Variants in KCNK12 observed in about 807,000 individuals in gnomAD.
The protein encoded by KCNK12 is potassium two pore domain channel subfamily K member 12, also known as potassium channel subfamily K member 12.
KCNK12 carries 6 observed loss-of-function variants against 25.3 expected under a neutral mutation model. The observed-to-expected ratio is 0.24, with a 90% CI of 0.13 to 0.47. KCNK12 has a LOEUF of 0.47. KCNK12 is among the 20% of genes least tolerant of loss of function. KCNK12 has a pLI of 0.99. For synonymous variants in KCNK12, 331 were observed against 311.1 expected, an observed-to-expected ratio of 1.06 and a Z score of -0.67; for missense variants, 444 against 661.7, an observed-to-expected ratio of 0.67 and a Z score of 3.61.
intron 1 of KCNK12, among the ~76,000 whole-genome samples, chr2:47,542,712 G>C (rs993978252): frequency 6.6e-6 from 1 of 152,164 alleles, no homozygotes; most frequent in East Asian, 1.9e-4. Context: ...GGGATGGCGC[G>C]AGGTGAGAGT....
Position 47,548,488 on chromosome 2 carries a change from G to A in KCNK12, c.391+21453C>T, listed in dbSNP as rs1669359646. Among the ~76,000 whole-genome samples the A allele has an allele frequency of 6.6e-6, 1 of 152,136 alleles. No individual in the cohort carries two copies. Among genetic ancestry groups the A allele is most frequent in the African/African-American group, 2.4e-5 (1 of 41,424 alleles). ...AAATGGCAAATCCATCCTTGCAGTT[G>A]CTAAGGGCAAAAGTCTTAGAGCCCT... On this transcript the variant is annotated intron_variant, in intron 1 of 1. Transcript: ENST00000327876. The surrounding 1 kb of genome is among the most constrained non-coding windows in gnomAD (Gnocchi z 4.4).
rs186084822 is a variant in KCNK12, at chr2:47,511,356, T to C, written c.*9551A>G. 4.5e-4 allele frequency among the ~76,000 whole-genome samples: 68 copies of C among 152,250 alleles called. No individual in the cohort carries two copies. The highest frequency in any genetic ancestry group is 1.6e-3 in the African/African-American group (65 of 41,540). ...TTGCTTTGTGTCTTAATTACAGCCATTTGTGGAATTAGGCTTTTAATATAA... is the reference window on the plus strand; with the variant it reads ...TTGCTTTGTGTCTTAATTACAGCCACTTGTGGAATTAGGCTTTTAATATAA... On this transcript the variant is annotated 3_prime_UTR_variant, in exon 2 of 2. Coordinates refer to ENST00000327876, the MANE Select transcript of KCNK12 (RefSeq NM_022055.2). The surrounding 1 kb of genome is among the most constrained non-coding windows in gnomAD (Gnocchi z 4.3).
chr2:47,512,552 C>T lies in KCNK12; in HGVS notation c.*8355G>A. 6.9e-6 allele frequency: 8 copies of T among 1,161,400 alleles called. No individual in the cohort carries two copies. The highest frequency in any genetic ancestry group is 3.3e-5 in the South Asian group (2 of 61,466). The allele number at this position is 1,161,400 out of a possible 1,614,324, so 71.9% of individuals were successfully genotyped here. On this transcript the variant is annotated 3_prime_UTR_variant, in exon 2 of 2. Transcript: ENST00000327876. ...TCTCAAAAATGGACCAGAAAGGGGT[C>T]AGGAATATAACTTTCTCTGCCCAGA...
chr2:47,567,189 C>A (rs2104903910), intron 1 of KCNK12: 2 of 152,338 alleles, frequency 1.3e-5, no homozygotes, highest in South Asian at 4.1e-4. Context: ...TGAATCAAAT[C>A]ATTTTGTTCC....
Position 47,520,856 on chromosome 2 carries a change from C to T in KCNK12, c.*51G>A, listed in dbSNP as rs765065638. ...AGTGACTGAGAGAAGCAAACCACGC[C>T]CGGCGGCCCCGCGGCCTGGAGAGGG... On this transcript the variant is annotated 3_prime_UTR_variant, in exon 2 of 2. Coordinates refer to ENST00000327876, the MANE Select transcript of KCNK12 (RefSeq NM_022055.2). This position sits in a 1 kb window ranked among gnomAD's most constrained non-coding sequence, Gnocchi z 5.0. 5 of 1,188,170 alleles carry T rather than the reference C, an allele frequency of 4.2e-6. No individual in the cohort carries two copies. Among genetic ancestry groups the T allele is most frequent in the Non-Finnish European group, 5.3e-6 (5 of 946,324 alleles). 73.6% of individuals were successfully genotyped at this position (1,188,170 alleles called of 1,614,324 possible).
At position 47,521,640 on chromosome 2, in the gene KCNK12, C is replaced by A; in HGVS notation, c.560G>T (p.Ser187Ile). 1 of 1,588,596 alleles carries A rather than the reference C, an allele frequency of 6.3e-7. No individual in the cohort carries two copies. Among genetic ancestry groups the A allele is most frequent in the Non-Finnish European group, 8.5e-7 (1 of 1,170,214 alleles). ...GCGGAAGGTGGCGGGCAGCAGGCCG[C>A]TGCGGCGCAGCTGGCGCTCCCGGCA... ...RACRERQLRRSGLLPATFRRG... is the reference protein window; with the variant it reads ...RACRERQLRRIGLLPATFRRG... Residue 187 changes from serine (S) to isoleucine (I), a missense_variant, in exon 2 of 2, where the codon AGC becomes ATC. Around this residue, in one of 8 missense-constraint regions of KCNK12, gnomAD observed 36 missense variants for 36.4 expected, o/e 0.99. Transcript: ENST00000327876.
intron 1 of KCNK12, among the ~76,000 whole-genome samples, chr2:47,546,325 AGAGGACTTTGT>A: frequency 6.6e-6 from 1 of 152,384 alleles, no homozygotes; most frequent in Admixed American, 6.5e-5. Flanking sequence ...GAATTAATTC[AGAGGACTTTGT>A]GTGTCAATAT....
rs1235384129 is a variant in KCNK12 at position 47,520,364 on chromosome 2, C to G, written c.*543G>C. 6.6e-6 allele frequency: 1 copy of G among 152,290 alleles called. No homozygotes were observed. The highest frequency in any genetic ancestry group is 1.5e-5 in the Non-Finnish European group (1 of 68,094). The allele number at this position is 152,290 out of a possible 1,614,324, so 9.4% of individuals were successfully genotyped here. On this transcript the variant is annotated 3_prime_UTR_variant, in exon 2 of 2. Transcript: ENST00000327876. This position sits in a 1 kb window ranked among gnomAD's most constrained non-coding sequence, Gnocchi z 5.0. ...TTTCATCTCATTGCATAATACTACACCATTCTCTGTGTGTAGTGGCTGTTC... is the reference window on the plus strand; with the variant it reads ...TTTCATCTCATTGCATAATACTACAGCATTCTCTGTGTGTAGTGGCTGTTC...
chr2:47,567,032 C>T lies in KCNK12; in HGVS notation c.391+2909G>A, dbSNP rs116283030. ...CCATGCAGAGTAAGCTTTAACCTTT[C>T]AAAATACAGCCTGATACATACAATC... On this transcript the variant is annotated intron_variant, in intron 1 of 1. Transcript: ENST00000327876. 333 of 152,298 alleles carry T rather than the reference C, an allele frequency of 2.2e-3. 1 individual carries two copies. Among genetic ancestry groups the T allele is most frequent in the African/African-American group, 7.6e-3 (317 of 41,568 alleles). The allele number at this position is 152,298 out of a possible 1,614,324, so 9.4% of individuals were successfully genotyped here.
intron 1 of KCNK12, among the ~76,000 whole-genome samples, chr2:47,568,557 T>C (rs985611949): frequency 6.6e-6 from 1 of 152,180 alleles, no homozygotes; most frequent in East Asian, 1.9e-4. Flanking sequence ...ACTATACATA[T>C]ACACTTAGAG....
At chr2:47,567,032 CA>C (rs1669799100) in intron 1 of KCNK12, 1 of 152,182 alleles carries the variant, frequency 6.6e-6, no homozygotes, top group Admixed American at 6.5e-5. Flanking sequence ...TTTAACCTTT[CA>C]AAATACAGCC....
rs1297082323 is a variant in KCNK12 at position 47,560,156 on chromosome 2, T to G, written c.391+9785A>C. 6.6e-6 allele frequency among the ~76,000 whole-genome samples: 1 copy of G among 152,168 alleles called. No individual in the cohort carries two copies. Among genetic ancestry groups the G allele is most frequent in the Admixed American group, 6.5e-5 (1 of 15,282 alleles). On this transcript the variant is annotated intron_variant, in intron 1 of 1. Coordinates refer to ENST00000327876, the MANE Select transcript of KCNK12 (RefSeq NM_022055.2). This position sits in a 1 kb window ranked among gnomAD's most constrained non-coding sequence, Gnocchi z 4.7. ...GGAGGCCCTCCTGTTTTTTTGGTTT[T>G]CTGTCCCGCCTGTCCATGCCCACTG...
In KCNK12 at chr2:47,528,708, T is replaced by G. The variant is rs1202653966; in HGVS notation, c.392-6900A>C. Among the ~76,000 whole-genome samples, 1 of 152,236 alleles carries G rather than the reference T, an allele frequency of 6.6e-6. No homozygotes were observed. The highest frequency in any genetic ancestry group is 1.9e-4 in the East Asian group (1 of 5,198). On this transcript the variant is annotated intron_variant, in intron 1 of 1. Transcript: ENST00000327876. The surrounding 1 kb of genome is among the most constrained non-coding windows in gnomAD (Gnocchi z 4.5). ...TCCCAGTTTGCAAAGAGCAGACACT[T>G]GGGGGCTTTATTATGCCACTTTGAC...
chr2:47,562,559 C>A lies in KCNK12; in HGVS notation c.391+7382G>T. On this transcript the variant is annotated intron_variant, in intron 1 of 1. Transcript: ENST00000327876. This position sits in a 1 kb window ranked among gnomAD's most constrained non-coding sequence, Gnocchi z 4.8. ...CATTCTCCACCACAGCCAGTGGCCA[C>A]TTGGAGAGGGGACCTAGAGTCCCCT... 4.3e-6 allele frequency: 1 copy of A among 234,638 alleles called. No individual in the cohort carries two copies. Among genetic ancestry groups the A allele is most frequent in the African/African-American group, 2.2e-5 (1 of 45,550 alleles). The allele number at this position is 234,638 out of a possible 1,614,324, so 14.5% of individuals were successfully genotyped here.
chr2:47,528,032 G>C lies in KCNK12; in HGVS notation c.392-6224C>G, dbSNP rs1377522777. On this transcript the variant is annotated intron_variant, in intron 1 of 1. Coordinates refer to ENST00000327876, the MANE Select transcript of KCNK12 (RefSeq NM_022055.2). This position sits in a 1 kb window ranked among gnomAD's most constrained non-coding sequence, Gnocchi z 4.5. The stretch of plus-strand genomic sequence containing the variant: ...AGCAGGCTCACCTCTGGGACAGGGC[G>C]CATATAGTCTGGGCCAGAACTTGTC... Among the ~76,000 whole-genome samples, 1 of 152,144 alleles carries C rather than the reference G, an allele frequency of 6.6e-6. No individual in the cohort carries two copies. Among genetic ancestry groups the C allele is most frequent in the Non-Finnish European group, 1.5e-5 (1 of 68,022 alleles).
chr2:47,526,728 G>C (rs781718027), intron 1 of KCNK12, among the ~76,000 whole-genome samples: 2 of 152,120 alleles, frequency 1.3e-5, no homozygotes, highest in African/African-American at 4.8e-5. Flanking sequence ...GCGAAACTCC[G>C]TCTCAAAAAC....
chr2:47,563,853 G>A (rs1046476511), intron 1 of KCNK12: 3 of 232,408 alleles, frequency 1.3e-5, no homozygotes, highest in Middle Eastern at 1.3e-3. Flanking sequence ...TGTTCGACGC[G>A]GAGGCCCTTG....
chr2:47,528,518 C>G lies in KCNK12; in HGVS notation c.392-6710G>C, dbSNP rs1485411579. On this transcript the variant is annotated intron_variant, in intron 1 of 1. Transcript: ENST00000327876. This position sits in a 1 kb window ranked among gnomAD's most constrained non-coding sequence, Gnocchi z 4.5. Reference sequence around the variant, plus strand: ...CCAAGCTCTTGCAATTTGTGGGGAGCCAAGCTGCTCTGGAGAGGGGCCTCA... The same window carrying G: ...CCAAGCTCTTGCAATTTGTGGGGAGGCAAGCTGCTCTGGAGAGGGGCCTCA... 1 of 152,230 alleles carries G rather than the reference C, an allele frequency of 6.6e-6. No individual in the cohort carries two copies. The highest frequency in any genetic ancestry group is 6.5e-5 in the Admixed American group (1 of 15,274). The allele number at this position is 152,230 out of a possible 1,614,324, so 9.4% of individuals were successfully genotyped here.
intron 1 of KCNK12, among the ~76,000 whole-genome samples, chr2:47,526,417 AAAAG>A (rs1473234787): frequency 1.0e-4 from 15 of 149,218 alleles, no homozygotes; most frequent in Middle Eastern, 3.5e-3. Context: ...AAAAAAAAAA[AAAAG>A]AGAAAGAAAG....
Sources: gnomAD v4.1 joint callset for allele counts (sites outside exome capture counted in the v4.1 genomes callset) on GRCh38, gnomAD v4.1.1 for gene constraint, gnomAD v4.1.1 regional missense constraint, Gnocchi (gnomAD v3.1) non-coding constraint, MANE v1.5 for transcripts, NCBI Gene and HGNC (gene_info 2026-07-23, HGNC 2026-07-21) for gene names.